The following COTL1 variants were observed in gnomAD, a reference collection of about 807,000 sequenced individuals.
COTL1 encodes coactosin-like protein.
COTL1 carries 15 observed loss-of-function variants against 16.5 expected under a neutral mutation model. The ratio of observed to expected loss-of-function variants is 0.91; its 90% CI spans 0.61 to 1.40. The LOEUF is 1.40. Among genes scored for constraint, COTL1 ranks in the 40% most tolerant of loss-of-function variants. The pLI is 0.00. For missense variants in COTL1, 220 were observed against 201.5 expected (o/e 1.09, Z -0.56); for synonymous variants, 112 against 85.3 (o/e 1.31, Z -1.73).
At chr16:84,587,786 A>ATTTATTTATTTAT (rs1336902640) in intron 3 of COTL1, among the ~76,000 whole-genome samples, 16 of 151,728 alleles carry the variant, frequency 1.1e-4, no homozygotes, top group African/African-American at 3.9e-4. Flanking sequence ...TTATTTATTT[A>ATTTATTTATTTAT]TTTATTTATT....
intron 2 of COTL1, among the ~76,000 whole-genome samples, chr16:84,593,992 G>A (rs1904937090): frequency 6.6e-6 from 1 of 152,172 alleles, no homozygotes; most frequent in Non-Finnish European, 1.5e-5. Flanking sequence ...GGATTGGCCT[G>A]TGCTGGACAT....
chr16:84,574,324 G>A lies in COTL1; in HGVS notation c.319-7369C>T, dbSNP rs192781056. On this transcript the variant is annotated intron_variant, in intron 3 of 3. Coordinates refer to ENST00000262428, the MANE Select transcript of COTL1 (RefSeq NM_021149.5). Reference sequence around the variant, plus strand: ...GGCTGCTCTAGACTGCCAAGCCCTCGAGGCAGCTGCCACAACCTGCCAGAG... The same window carrying A: ...GGCTGCTCTAGACTGCCAAGCCCTCAAGGCAGCTGCCACAACCTGCCAGAG... Among the ~76,000 whole-genome samples, 996 of 152,264 alleles carry A rather than the reference G, an allele frequency of 6.5e-3. 11 individuals carry two copies. The highest frequency in any genetic ancestry group is 0.022 in the African/African-American group (933 of 41,562).
chr16:84,613,469 C>T (rs1459590995), intron 2 of COTL1, among the ~76,000 whole-genome samples: 1 of 151,990 alleles, frequency 6.6e-6, no homozygotes, highest in African/African-American at 2.4e-5. Flanking sequence ...CAGTGTTGGG[C>T]TGCAGATGTG....
intron 3 of COTL1, among the ~76,000 whole-genome samples, chr16:84,581,281 G>A (rs769359467): frequency 7.2e-5 from 11 of 152,276 alleles, no homozygotes; most frequent in African/African-American, 1.7e-4. Flanking sequence ...TGCAAATACC[G>A]TCCTTCCATG....
intron 3 of COTL1, among the ~76,000 whole-genome samples, chr16:84,573,695 G>C (rs1398090121): frequency 6.6e-6 from 1 of 150,850 alleles, no homozygotes. Flanking sequence ...AGCTTAGATC[G>C]CACCATTGCA....
chr16:84,570,017 C>A (rs1317374080), intron 3 of COTL1, among the ~76,000 whole-genome samples: 1 of 152,190 alleles, frequency 6.6e-6, no homozygotes, highest in African/African-American at 2.4e-5. Context: ...GTGGCTCATG[C>A]CTGTAATCCC....
intron 2 of COTL1, among the ~76,000 whole-genome samples, chr16:84,591,878 A>AAAATT (rs1300141850): frequency 2.1e-5 from 2 of 96,682 alleles, no homozygotes; most frequent in African/African-American, 1.0e-4. Flanking sequence ...AAAATAAAAT[A>AAAATT]AAAATATGTG....
intron 2 of COTL1, among the ~76,000 whole-genome samples, chr16:84,614,796 G>A (rs1905428926): frequency 6.6e-6 from 1 of 152,130 alleles, no homozygotes; most frequent in African/African-American, 2.4e-5. Context: ...TGAGTCACAA[G>A]TGGGCAACCA....
At chr16:84,617,221 T>G (rs116199469) in intron 2 of COTL1, among the ~76,000 whole-genome samples, 1 of 152,122 alleles carries the variant, frequency 6.6e-6, no homozygotes, top group East Asian at 1.9e-4. Flanking sequence ...GAGTTGACCT[T>G]AGAAAACCAG....
At chr16:84,607,472 G>C (rs959472756) in intron 2 of COTL1, among the ~76,000 whole-genome samples, 2 of 152,196 alleles carry the variant, frequency 1.3e-5, no homozygotes, top group African/African-American at 4.8e-5. Flanking sequence ...CCTCAGTGAA[G>C]TGGGGATAAT....
chr16:84,589,780 G>T (rs933496703), intron 3 of COTL1, among the ~76,000 whole-genome samples: 4 of 152,036 alleles, frequency 2.6e-5, no homozygotes, highest in African/African-American at 9.7e-5. Flanking sequence ...ACACCACAGG[G>T]TAGTGGCCGC....
chr16:84,578,344 G>A (rs890001796), intron 3 of COTL1, among the ~76,000 whole-genome samples: 7 of 152,088 alleles, frequency 4.6e-5, no homozygotes, highest in African/African-American at 1.7e-4. Flanking sequence ...GTAAATACCA[G>A]GCTGTTTCCA....
At chr16:84,607,463 C>T (rs576769141) in intron 2 of COTL1, among the ~76,000 whole-genome samples, 1 of 152,298 alleles carries the variant, frequency 6.6e-6, no homozygotes, top group Non-Finnish European at 1.5e-5. Flanking sequence ...CAGGTTCCTC[C>T]TCAGTGAAGT....
chr16:84,589,282 A>G (rs1187466306), intron 3 of COTL1, among the ~76,000 whole-genome samples: 2 of 152,146 alleles, frequency 1.3e-5, no homozygotes, highest in Non-Finnish European at 2.9e-5. Context: ...AGCTGAGTCT[A>G]TTGTTTTTAA....
intron 3 of COTL1, among the ~76,000 whole-genome samples, chr16:84,584,612 C>T (rs1459615127): frequency 4.6e-5 from 7 of 152,202 alleles, no homozygotes; most frequent in African/African-American, 1.7e-4. Context: ...AAGATTCACG[C>T]CCTGTGTCCT....
intron 2 of COTL1, among the ~76,000 whole-genome samples, chr16:84,600,335 C>T (rs1428464240): frequency 2.4e-5 from 3 of 124,256 alleles, no homozygotes; most frequent in African/African-American, 9.6e-5. Flanking sequence ...TTTTTTGAGA[C>T]GAAATCTCGC....
chr16:84,587,981 A>T (rs1317658713), intron 3 of COTL1, among the ~76,000 whole-genome samples: 3 of 152,176 alleles, frequency 2.0e-5, no homozygotes, highest in Admixed American at 1.3e-4. Flanking sequence ...CATGTTGGCC[A>T]GGCTGGTCTC....
intron 3 of COTL1, among the ~76,000 whole-genome samples, chr16:84,582,310 A>T (rs1000355292): frequency 2.6e-5 from 4 of 151,950 alleles, no homozygotes; most frequent in African/African-American, 7.3e-5. Flanking sequence ...CTTAATTTTT[A>T]AAAATTATGT....
chr16:84,571,985 G>T (rs1904345432), intron 3 of COTL1, among the ~76,000 whole-genome samples: 1 of 152,212 alleles, frequency 6.6e-6, no homozygotes, highest in Admixed American at 6.5e-5. Context: ...TCCATTCAGG[G>T]CGTGGACTCC....
Sources: allele counts gnomAD v4.1 joint callset (sites outside exome capture counted in the v4.1 genomes callset), GRCh38; gene constraint gnomAD v4.1.1; transcripts MANE v1.5; gene names NCBI Gene and HGNC (gene_info 2026-07-23, HGNC 2026-07-21).